PAXBP1: variants seen among roughly 807,000 people sequenced by gnomAD.
The protein encoded by PAXBP1 is PAX3 and PAX7 binding protein 1.
Under a neutral mutation model 119.9 loss-of-function variants are expected in PAXBP1, and 44 were observed. The observed-to-expected ratio is 0.37, with a 90% CI of 0.29 to 0.47. The LOEUF (loss-of-function observed/expected upper bound fraction) is 0.47, where lower values mean the gene tolerates loss of function less well. PAXBP1 is among the 20% of genes least tolerant of loss of function. PAXBP1 has a pLI of 0.99. For missense variants in PAXBP1, 898 were observed against 1,134.1 expected (o/e 0.79, Z 2.99); for synonymous variants, 393 against 406.6 (o/e 0.97, Z 0.40).
chr21:32,753,617 C>A (rs1227560790), intron 8 of PAXBP1, among the ~76,000 whole-genome samples: 1 of 152,138 alleles, frequency 6.6e-6, no homozygotes, highest in Non-Finnish European at 1.5e-5. Context: ...TCAGACTATT[C>A]TTTACTTCTT....
chr21:32,754,283 A>G (rs1474855287), intron 8 of PAXBP1, among the ~76,000 whole-genome samples: 3 of 152,190 alleles, frequency 2.0e-5, no homozygotes, highest in African/African-American at 7.2e-5. Flanking sequence ...TTAACATGCA[A>G]ATTTCTGGAT....
intron 2 of PAXBP1, among the ~76,000 whole-genome samples, chr21:32,767,312 T>C (rs540048601): frequency 6.6e-6 from 1 of 152,328 alleles, no homozygotes; most frequent in East Asian, 1.9e-4. Flanking sequence ...TTCATTTCAG[T>C]GTTACCAATG....
At chr21:32,754,677 C>T (rs1214845407) in intron 8 of PAXBP1, among the ~76,000 whole-genome samples, 1 of 152,130 alleles carries the variant, frequency 6.6e-6, no homozygotes, top group Non-Finnish European at 1.5e-5. Context: ...AAACACAGTA[C>T]ATAAAGCAAA....
intron 13 of PAXBP1, among the ~76,000 whole-genome samples, chr21:32,744,291 AG>A (rs1419681691): frequency 6.9e-6 from 1 of 144,286 alleles, no homozygotes; most frequent in Non-Finnish European, 1.5e-5. Flanking sequence ...AAAAAAAAGG[AG>A]GGGGGCGGGG....
chr21:32,745,711 C>A lies in PAXBP1; in HGVS notation c.1931G>T (p.Cys644Phe). The change falls in exon 12 of 18, where the codon TGT becomes TTT. Residue 644 changes from cysteine to phenylalanine, a missense_variant. Physicochemically the swap from Cys to Phe is radical, Grantham distance 205. This residue lies in a region of PAXBP1 where 599 missense variants were observed against 852.7 expected (regional missense o/e 0.70). Coordinates refer to ENST00000331923, the MANE Select transcript of PAXBP1 (RefSeq NM_016631.4). ...LLTWTPLEAK[C>F]RDFENMLWFE... is the part of the protein sequence containing the mutation. ...CCACAGCATATTCTCAAAGTCACGA[C>A]ATTTTGCCTAAAAGACATTTAAAAG... 1 of 1,613,792 alleles carries A rather than the reference C, an allele frequency of 6.2e-7. No individual in the cohort carries two copies. Among genetic ancestry groups the A allele is most frequent in the Non-Finnish European group, 8.5e-7 (1 of 1,179,846 alleles).
Position 32,743,672 on chromosome 21 carries a change from AC to A in PAXBP1, c.2267+5del. 1 of 1,541,734 alleles carries A rather than the reference AC, an allele frequency of 6.5e-7. No homozygotes were observed. The highest frequency in any genetic ancestry group is 8.9e-7 in the Non-Finnish European group (1 of 1,119,948). On this transcript the variant is annotated splice_donor_5th_base_variant and intron_variant, in intron 14 of 17. Transcript: ENST00000331923. ...ATTATCTTTAATGTTCTTCAGAGTTACTTACTTTTTGGGATATAAGGGCATA... is the reference window on the plus strand; with the variant it reads ...ATTATCTTTAATGTTCTTCAGAGTTATTACTTTTTGGGATATAAGGGCATA...
At chr21:32,751,355 AG>A (rs2043956516) in intron 8 of PAXBP1, 137 bp from the exon 9 acceptor site, 1 of 704,894 alleles carries the variant, frequency 1.4e-6, no homozygotes, top group Non-Finnish European at 2.3e-6. Flanking sequence ...TAAACCAGGT[AG>A]GTTTTTGGTT....
Position 32,771,441 on chromosome 21 carries a change from C to T in PAXBP1, c.228G>A (p.Gly76=). The T allele has an allele frequency of 6.6e-7, 1 of 1,505,528 alleles. No individual in the cohort carries two copies. The highest frequency in any genetic ancestry group is 8.8e-7 in the Non-Finnish European group (1 of 1,136,220). 93.3% of individuals were successfully genotyped at this position (1,505,528 alleles called of 1,614,324 possible). The change falls in exon 1 of 18, where the codon GGG becomes GGA. Residue 76 remains glycine, a synonymous_variant. Coordinates refer to ENST00000331923, the MANE Select transcript of PAXBP1 (RefSeq NM_016631.4). The part of the protein sequence containing the change: ...ALTPGLGAEA[G]GGFPGGAEPG... The stretch of plus-strand genomic sequence containing the variant: ...GCTCCGCGCCGCCGGGGAAGCCGCC[C>T]CCGGCCTCAGCCCCGAGGCCCGGGG...
chr21:32,757,281 CTT>C (rs1192936308), intron 7 of PAXBP1, among the ~76,000 whole-genome samples: 1 of 151,976 alleles, frequency 6.6e-6, no homozygotes, highest in Non-Finnish European at 1.5e-5. Flanking sequence ...CTCAGCAGTA[CTT>C]TTTTGTTTTT....
At chr21:32,751,612 C>T (rs2043959489) in intron 8 of PAXBP1, 1 of 157,336 alleles carries the variant, frequency 6.4e-6, no homozygotes, top group African/African-American at 2.4e-5. Context: ...TTCAGCATCA[C>T]ATTGAATGAC....
Position 32,771,560 on chromosome 21 carries a change from C to T in PAXBP1, c.109G>A (p.Gly37Ser). ...QEPPPLLPPP[G>S]TGEEAGPGGG... is the part of the protein sequence containing the mutation. ...CCGGGGCCCGCCTCTTCGCCCGTGCCCGGCGGCGGCAACAACGGCGGCGGC... is the reference window on the plus strand; with the variant it reads ...CCGGGGCCCGCCTCTTCGCCCGTGCTCGGCGGCGGCAACAACGGCGGCGGC... Residue 37 changes from glycine (G) to serine (S), a missense_variant, in exon 1 of 18, where the codon GGC becomes AGC. Coordinates refer to ENST00000331923, the MANE Select transcript of PAXBP1 (RefSeq NM_016631.4). 1.4e-6 allele frequency: 2 copies of T among 1,422,640 alleles called. No homozygotes were observed. The highest frequency in any genetic ancestry group is 1.4e-5 in the South Asian group (1 of 71,168). 88.1% of individuals were successfully genotyped at this position (1,422,640 alleles called of 1,614,324 possible).
At chr21:32,747,801 T>C (rs1300420898) in intron 11 of PAXBP1, among the ~76,000 whole-genome samples, 1 of 151,988 alleles carries the variant, frequency 6.6e-6, no homozygotes, top group Non-Finnish European at 1.5e-5. Flanking sequence ...TTTTTTTTTT[T>C]TTCTTGTGGC....
At chr21:32,736,313 C>A (rs893231705) in intron 17 of PAXBP1, among the ~76,000 whole-genome samples, 1 of 152,104 alleles carries the variant, frequency 6.6e-6, no homozygotes, top group Non-Finnish European at 1.5e-5. Flanking sequence ...CTCAGCCTCC[C>A]GAGTAGGTGG....
intron 14 of PAXBP1, 55 bp downstream of exon 14, chr21:32,743,623 C>G (rs2043823221): frequency 1.5e-6 from 2 of 1,322,008 alleles, no homozygotes; most frequent in Admixed American, 1.9e-5. Context: ...TTTTATAAGC[C>G]TTCTCTGAAA....
intron 2 of PAXBP1, among the ~76,000 whole-genome samples, chr21:32,768,849 G>A (rs897671556): frequency 6.6e-6 from 1 of 152,158 alleles, no homozygotes; most frequent in Non-Finnish European, 1.5e-5. Flanking sequence ...CCTGTCAGGT[G>A]TACTTGTTCT....
chr21:32,752,684 G>C (rs1366765668), intron 8 of PAXBP1, among the ~76,000 whole-genome samples: 2 of 152,192 alleles, frequency 1.3e-5, no homozygotes, highest in Non-Finnish European at 2.9e-5. Flanking sequence ...TTGTCGCCCA[G>C]AATGGAGTGC....
chr21:32,763,752 G>A (rs1361144232), intron 3 of PAXBP1, among the ~76,000 whole-genome samples: 5 of 152,114 alleles, frequency 3.3e-5, no homozygotes, highest in Admixed American at 6.5e-5. Context: ...TTGGGAGGCC[G>A]AGGCAGGCGG....
At chr21:32,744,999 T>A (rs2043851971) in intron 12 of PAXBP1, 86 bp from the exon 13 acceptor site, 6 of 1,378,874 alleles carry the variant, frequency 4.4e-6, no homozygotes, top group Non-Finnish European at 6.0e-6. Context: ...ATGCCAATCC[T>A]AATTTATTTT....
chr21:32,743,089 T>A, intron 15 of PAXBP1, 159 bp downstream of exon 15: 1 of 720,862 alleles, frequency 1.4e-6, no homozygotes, highest in Non-Finnish European at 2.5e-6. Flanking sequence ...CAAACTTGAA[T>A]GAACTTTTGG....
Sources: gnomAD v4.1 joint callset for allele counts (sites outside exome capture counted in the v4.1 genomes callset) on GRCh38, gnomAD v4.1.1 for gene constraint, gnomAD v4.1.1 regional missense constraint, MANE v1.5 for transcripts, NCBI Gene and HGNC (gene_info 2026-07-23, HGNC 2026-07-21) for gene names.